CNTN4: variants seen among roughly 807,000 people sequenced by gnomAD.
CNTN4 encodes the protein contactin 4, also known as contactin-4.
CNTN4 carries 77 observed loss-of-function variants against 122.5 expected under a neutral mutation model. That is an observed-to-expected ratio of 0.63 (90% CI 0.52 to 0.76). CNTN4 has a LOEUF of 0.76. Among genes scored for constraint, CNTN4 ranks in the 30% least tolerant of loss-of-function variants. The pLI is 0.00. For synonymous variants in CNTN4, 512 were observed against 447.0 expected, an observed-to-expected ratio of 1.15 and a Z score of -1.83; for missense variants, 1,256 against 1,259.1, an observed-to-expected ratio of 1.00 and a Z score of 0.04.
chr3:2,177,499 C>A (rs2036803581), intron 2 of CNTN4, among the ~76,000 whole-genome samples: 1 of 152,098 alleles, frequency 6.6e-6, no homozygotes, highest in African/African-American at 2.4e-5. Context: ...CATATGAATT[C>A]TTTAGCAGGC....
At chr3:2,816,819 C>G (rs1224733992) in intron 6 of CNTN4, among the ~76,000 whole-genome samples, 1 of 43,402 alleles carries the variant, frequency 2.3e-5, no homozygotes, top group East Asian at 5.8e-4. Context: ...GACTCTGTCT[C>G]CAAAAAAAAA....
At chr3:2,567,992 C>A (rs2079248732) in intron 3 of CNTN4, among the ~76,000 whole-genome samples, 1 of 152,136 alleles carries the variant, frequency 6.6e-6, no homozygotes, top group Non-Finnish European at 1.5e-5. Context: ...AAACTGTGAG[C>A]TCCTTGAGGA....
intron 15 of CNTN4, among the ~76,000 whole-genome samples, chr3:3,030,014 A>C (rs1699031926): frequency 6.6e-6 from 1 of 152,204 alleles, no homozygotes; most frequent in South Asian, 2.1e-4. Flanking sequence ...TTACGGGTTT[A>C]GAATGAAGTG....
chr3:2,351,651 G>C (rs2044628739), intron 3 of CNTN4, among the ~76,000 whole-genome samples: 1 of 152,132 alleles, frequency 6.6e-6, no homozygotes, highest in Non-Finnish European at 1.5e-5. Flanking sequence ...TAAAACTTAT[G>C]AATTCTTTAT....
intron 7 of CNTN4, among the ~76,000 whole-genome samples, chr3:2,824,543 G>C (rs961405465): frequency 6.6e-6 from 1 of 152,192 alleles, no homozygotes; most frequent in Admixed American, 6.5e-5. Flanking sequence ...CATTCACACG[G>C]ATCATCTACA....
At chr3:2,391,654 T>G in intron 3 of CNTN4, among the ~76,000 whole-genome samples, 1 of 152,276 alleles carries the variant, frequency 6.6e-6, no homozygotes, top group African/African-American at 2.4e-5. Flanking sequence ...AATGCCAAGT[T>G]AGTTAGCTCA....
intron 2 of CNTN4, among the ~76,000 whole-genome samples, chr3:2,138,649 T>C (rs148343957): frequency 3.0e-4 from 45 of 152,298 alleles, no homozygotes; most frequent in African/African-American, 1.1e-3. Flanking sequence ...CCCTTTCTCT[T>C]CCTGCCTGCT....
chr3:2,417,680 C>A (rs1385965699), intron 3 of CNTN4, among the ~76,000 whole-genome samples: 2 of 152,208 alleles, frequency 1.3e-5, no homozygotes, highest in Admixed American at 6.5e-5. Flanking sequence ...GACCTGCACA[C>A]TGATGTTTCT....
intron 6 of CNTN4, among the ~76,000 whole-genome samples, chr3:2,787,158 C>T (rs2091861370): frequency 6.6e-6 from 1 of 152,106 alleles, no homozygotes; most frequent in Admixed American, 6.6e-5. Flanking sequence ...GGGTGGATCA[C>T]CTGAGGTCAG....
intron 3 of CNTN4, among the ~76,000 whole-genome samples, chr3:2,466,512 T>G (rs913624859): frequency 6.6e-6 from 1 of 152,174 alleles, no homozygotes; most frequent in African/African-American, 2.4e-5. Context: ...AGTAATTTTG[T>G]AAAGTACATT....
chr3:2,346,619 G>C (rs1016019636), intron 3 of CNTN4, among the ~76,000 whole-genome samples: 53 of 152,070 alleles, frequency 3.5e-4, no homozygotes, highest in African/African-American at 1.2e-3. Flanking sequence ...CTTAGTTAAT[G>C]GTATTTTCCC....
intron 6 of CNTN4, among the ~76,000 whole-genome samples, chr3:2,785,979 G>A (rs981423961): frequency 2.0e-5 from 3 of 147,368 alleles, no homozygotes; most frequent in African/African-American, 7.5e-5. Flanking sequence ...GGAGAGAAGA[G>A]GTGTCCGAAC....
chr3:2,663,025 C>T (rs1303481339), intron 4 of CNTN4, among the ~76,000 whole-genome samples: 1 of 151,840 alleles, frequency 6.6e-6, no homozygotes, highest in Non-Finnish European at 1.5e-5. Flanking sequence ...TCGCTTGAAC[C>T]CAAGAGGCAG....
rs1340355271 is a variant in CNTN4 at position 2,385,566 on chromosome 3, G to A, written c.-89+46333G>A. ...AAGTCCAAAATCAGGTGTTGGTAGGGCTGTGCTCCGTCTGTAACCTCTAGG... is the reference window on the plus strand; with the variant it reads ...AAGTCCAAAATCAGGTGTTGGTAGGACTGTGCTCCGTCTGTAACCTCTAGG... On this transcript the variant is annotated intron_variant, in intron 3 of 24. Coordinates refer to ENST00000418658, the MANE Select transcript of CNTN4 (RefSeq NM_175607.3). This position sits in a 1 kb window ranked among gnomAD's most constrained non-coding sequence, Gnocchi z 4.0. Among the ~76,000 whole-genome samples, 2 of 152,050 alleles carry A rather than the reference G, an allele frequency of 1.3e-5. No homozygotes were observed. Among genetic ancestry groups the A allele is most frequent in the Non-Finnish European group, 1.5e-5 (1 of 68,024 alleles).
intron 3 of CNTN4, among the ~76,000 whole-genome samples, chr3:2,384,781 T>TGTG (rs2046179335): frequency 6.6e-6 from 1 of 152,056 alleles, no homozygotes; most frequent in African/African-American, 2.4e-5. Context: ...TGTGTGTGTG[T>TGTG]GTGTGTGTTC....
chr3:2,123,473 G>C (rs780536103), intron 2 of CNTN4, among the ~76,000 whole-genome samples: 4 of 152,138 alleles, frequency 2.6e-5, no homozygotes, highest in Non-Finnish European at 5.9e-5. Flanking sequence ...TTGTTTGGAA[G>C]GGTCCTTTCC....
chr3:2,203,809 C>T (rs575422863), intron 2 of CNTN4, among the ~76,000 whole-genome samples: 1 of 152,190 alleles, frequency 6.6e-6, no homozygotes, highest in East Asian at 1.9e-4. Flanking sequence ...TATGATTGTC[C>T]AAACCAGATC....
At chr3:2,847,226 C>A (rs908788266) in intron 7 of CNTN4, among the ~76,000 whole-genome samples, 2 of 151,598 alleles carry the variant, frequency 1.3e-5, no homozygotes, top group Admixed American at 6.6e-5. Flanking sequence ...ACCTTGGCAC[C>A]CATCCCCTTA....
At chr3:2,323,239 A>G (rs2043332367) in intron 2 of CNTN4, among the ~76,000 whole-genome samples, 2 of 152,154 alleles carry the variant, frequency 1.3e-5, no homozygotes, top group African/African-American at 2.4e-5. Context: ...CGGCTGAGCT[A>G]ACAAAATCAA....
Sources: allele counts gnomAD v4.1 joint callset (sites outside exome capture counted in the v4.1 genomes callset), GRCh38; gene constraint gnomAD v4.1.1; non-coding constraint Gnocchi (gnomAD v3.1); transcripts MANE v1.5; gene names NCBI Gene and HGNC (gene_info 2026-07-23, HGNC 2026-07-21).